Variants in DLGAP1 observed in about 807,000 individuals in gnomAD.
The protein encoded by DLGAP1 is DLG associated protein 1, also known as disks large-associated protein 1.
DLGAP1 carries 11 observed loss-of-function variants against 90.8 expected under a neutral mutation model. That is an observed-to-expected ratio of 0.12 (90% CI 0.08 to 0.20). The LOEUF (loss-of-function observed/expected upper bound fraction) is 0.20, where lower values mean the gene tolerates loss of function less well. Among genes scored for constraint, DLGAP1 ranks in the 10% least tolerant of loss-of-function variants. The pLI, the probability that DLGAP1 is intolerant of heterozygous loss-of-function variation, is 1.00. For missense variants in DLGAP1, 1,050 were observed against 1,333.8 expected (o/e 0.79, Z 3.31); for synonymous variants, 558 against 540.7 (o/e 1.03, Z -0.44).
chr18:4,145,350 T>C (rs2076567479), intron 2 of DLGAP1, among the ~76,000 whole-genome samples: 1 of 152,218 alleles, frequency 6.6e-6, no homozygotes, highest in Non-Finnish European at 1.5e-5. Flanking sequence ...ATAAAAACTA[T>C]AGAATAGTGA....
chr18:3,737,041 G>A (rs1157191510), intron 6 of DLGAP1, among the ~76,000 whole-genome samples: 14 of 147,430 alleles, frequency 9.5e-5, no homozygotes, highest in Admixed American at 6.1e-4. Flanking sequence ...TAAATTCCTC[G>A]ACACATACAC....
chr18:3,592,861 A>G (rs1370502050), intron 7 of DLGAP1, among the ~76,000 whole-genome samples: 90 of 128,288 alleles, frequency 7.0e-4, no homozygotes, highest in Middle Eastern at 3.7e-3. Flanking sequence ...AAAAAAAAAA[A>G]AAAAAAGAAA....
At chr18:3,935,677 C>G (rs1162165444) in intron 3 of DLGAP1, among the ~76,000 whole-genome samples, 1 of 152,102 alleles carries the variant, frequency 6.6e-6, no homozygotes, top group Non-Finnish European at 1.5e-5. Flanking sequence ...GACATAATAG[C>G]TAGGGGTCTA....
chr18:4,439,969 A>C (rs1265383955), intron 1 of DLGAP1, among the ~76,000 whole-genome samples: 1 of 151,470 alleles, frequency 6.6e-6, no homozygotes, highest in Admixed American at 6.6e-5. Context: ...AAATACAAAA[A>C]ATTAGCCAGG....
intron 5 of DLGAP1, among the ~76,000 whole-genome samples, chr18:3,787,458 G>A (rs1363035581): frequency 5.8e-5 from 8 of 138,148 alleles, no homozygotes; most frequent in African/African-American, 2.3e-4. Flanking sequence ...TCTGGCCTGG[G>A]TGACAAAGCG....
At chr18:4,419,857 C>A (rs1213252243) in intron 1 of DLGAP1, among the ~76,000 whole-genome samples, 1 of 151,928 alleles carries the variant, frequency 6.6e-6, no homozygotes, top group African/African-American at 2.4e-5. Context: ...AAGAAACAAA[C>A]AACAGGTAAG....
chr18:4,003,437 GTTTTTTT>G lies in DLGAP1; in HGVS notation c.-73+1672_-73+1678del, dbSNP rs11457362. On this transcript the variant is annotated intron_variant, in intron 3 of 12. Transcript: ENST00000315677. ...TCTTTTTCAGGTGCTTAATATCATT[GTTTTTTT>G]TTTTTTTTTTGGAAGTTAACAGATT... Among the ~76,000 whole-genome samples the G allele has an allele frequency of 1.3e-4, 17 of 130,372 alleles. No homozygotes were observed. The South Asian group carries it at 3.5e-3, about 27-fold the overall frequency. 85.5% of individuals were successfully genotyped at this position (130,372 alleles called of 152,430 possible).
intron 7 of DLGAP1, among the ~76,000 whole-genome samples, chr18:3,633,458 G>T (rs1047915600): frequency 6.6e-6 from 1 of 152,066 alleles, no homozygotes; most frequent in Non-Finnish European, 1.5e-5. Flanking sequence ...TAGGGAGGGG[G>T]AGTGCTTTGC....
chr18:4,131,686 C>T (rs375886325), intron 2 of DLGAP1, among the ~76,000 whole-genome samples: 17 of 152,216 alleles, frequency 1.1e-4, no homozygotes, highest in Middle Eastern at 3.4e-3. Context: ...ATTTCTCAAA[C>T]GTGGGCAAGA....
chr18:3,499,440 A>C lies in DLGAP1; in HGVS notation c.2725-46T>G. The C allele has an allele frequency of 6.5e-7, 1 of 1,542,774 alleles. No homozygotes were observed. The highest frequency in any genetic ancestry group is 1.2e-5 in the South Asian group (1 of 83,344). On this transcript the variant is annotated intron_variant, in intron 12 of 12. Coordinates refer to ENST00000315677, the MANE Select transcript of DLGAP1 (RefSeq NM_004746.4). The surrounding 1 kb of genome is among the most constrained non-coding windows in gnomAD (Gnocchi z 6.4). ...AGGACATTACACAGCTTCTCAGGAC[A>C]AGCTTGGGAAAAACTGGGATAGGTC...
intron 3 of DLGAP1, among the ~76,000 whole-genome samples, chr18:3,953,096 T>C (rs1436281908): frequency 6.6e-6 from 1 of 152,256 alleles, no homozygotes; most frequent in Admixed American, 6.5e-5. Context: ...AGAAATTGCT[T>C]TACCTCAGAT....
At chr18:4,302,640 TTAGG>T (rs1429182768) in intron 1 of DLGAP1, among the ~76,000 whole-genome samples, 2 of 152,218 alleles carry the variant, frequency 1.3e-5, no homozygotes, top group African/African-American at 4.8e-5. Flanking sequence ...TAATTTTGAA[TTAGG>T]TAGTGTGATA....
chr18:3,820,297 C>T (rs997160565), intron 4 of DLGAP1, among the ~76,000 whole-genome samples: 6 of 152,052 alleles, frequency 3.9e-5, no homozygotes, highest in East Asian at 1.9e-4. Context: ...CAGGCCTGTG[C>T]GATTCTGTGA....
intron 4 of DLGAP1, among the ~76,000 whole-genome samples, chr18:3,866,754 T>C (rs1300858528): frequency 6.6e-6 from 1 of 152,132 alleles, no homozygotes; most frequent in African/African-American, 2.4e-5. Context: ...CCACAGCAAA[T>C]TAGATCCAGC....
At chr18:4,039,984 C>T (rs949289286) in intron 2 of DLGAP1, among the ~76,000 whole-genome samples, 4 of 152,202 alleles carry the variant, frequency 2.6e-5, no homozygotes, top group Non-Finnish European at 4.4e-5. Context: ...TGCCTTCCTT[C>T]GCTTTAATTC....
In DLGAP1 at chr18:4,237,742, A is replaced by G. The variant is rs920774139; in HGVS notation, c.-266-86455T>C. On this transcript the variant is annotated intron_variant, in intron 1 of 12. Coordinates refer to ENST00000315677, the MANE Select transcript of DLGAP1 (RefSeq NM_004746.4). The stretch of plus-strand genomic sequence containing the variant: ...CTGAGTTATGAGTAGATTAAATTCA[A>G]TATGTACAAATGGCTCCAGTGACAG... Among the ~76,000 whole-genome samples, 3 of 152,308 alleles carry G rather than the reference A, an allele frequency of 2.0e-5. No homozygotes were observed. The South Asian group carries it at 6.2e-4, about 32-fold the overall frequency.
chr18:4,281,377 T>A (rs2079546300), intron 1 of DLGAP1, among the ~76,000 whole-genome samples: 1 of 151,976 alleles, frequency 6.6e-6, no homozygotes, highest in Admixed American at 6.6e-5. Context: ...ATGATGAAAC[T>A]CCGTCTGTAC....
intron 7 of DLGAP1, among the ~76,000 whole-genome samples, chr18:3,720,888 CAAAAAAA>C (rs1186426563): frequency 4.0e-5 from 2 of 50,314 alleles, no homozygotes; most frequent in African/African-American, 8.0e-5. Context: ...CTTGTCTCTA[CAAAAAAA>C]AAAAAAAAAA....
At chr18:4,425,094 A>G (rs1341410413) in intron 1 of DLGAP1, among the ~76,000 whole-genome samples, 2 of 151,816 alleles carry the variant, frequency 1.3e-5, no homozygotes, top group East Asian at 3.9e-4. Flanking sequence ...TTTGATTTTT[A>G]TTTTCTTTCC....
Sources: gnomAD v4.1 joint callset for allele counts (sites outside exome capture counted in the v4.1 genomes callset) on GRCh38, gnomAD v4.1.1 for gene constraint, Gnocchi (gnomAD v3.1) non-coding constraint, MANE v1.5 for transcripts, NCBI Gene and HGNC (gene_info 2026-07-23, HGNC 2026-07-21) for gene names.